Variants in PDE10A observed in about 807,000 individuals in gnomAD.
PDE10A encodes cAMP and cAMP-inhibited cGMP 3',5'-cyclic phosphodiesterase 10A.
PDE10A carries 39 observed loss-of-function variants against 97.7 expected under a neutral mutation model. That is an observed-to-expected ratio of 0.40 (90% CI 0.31 to 0.52). The LOEUF is 0.52. Ranked by LOEUF, PDE10A falls within the 20% of genes least tolerant of loss-of-function variation. The pLI is 0.56. For missense variants in PDE10A, 731 were observed against 1,047.8 expected (o/e 0.70, Z 4.17); for synonymous variants, 371 against 376.8 (o/e 0.98, Z 0.18).
intron 1 of PDE10A, among the ~76,000 whole-genome samples, chr6:165,902,864 C>T (rs562201752): frequency 6.6e-6 from 1 of 152,278 alleles, no homozygotes; most frequent in East Asian, 1.9e-4. Context: ...AAGAAAAGGT[C>T]CTGGGTACGT....
intron 2 of PDE10A, 119 bp from the exon 3 acceptor site, chr6:165,482,462 C>T (rs998425189): frequency 4.4e-5 from 32 of 731,230 alleles, no homozygotes; most frequent in Middle Eastern, 2.4e-4. Flanking sequence ...CTTCCTCTTA[C>T]GAAATCTATG....
intron 1 of PDE10A, among the ~76,000 whole-genome samples, chr6:165,673,067 T>C (rs1228933034): frequency 7.1e-6 from 1 of 140,070 alleles, no homozygotes; most frequent in East Asian, 2.4e-4. Context: ...TCAACCTAAC[T>C]AACCACTTAA....
chr6:165,568,290 CAT>C (rs1358030387), intron 1 of PDE10A, among the ~76,000 whole-genome samples: 4 of 152,126 alleles, frequency 2.6e-5, no homozygotes, highest in Non-Finnish European at 5.9e-5. Flanking sequence ...TGAGCCACCG[CAT>C]CCGGCCAGCA....
At chr6:165,571,403 C>A (rs1470839794) in intron 1 of PDE10A, among the ~76,000 whole-genome samples, 2 of 152,196 alleles carry the variant, frequency 1.3e-5, no homozygotes, top group Admixed American at 1.3e-4. Flanking sequence ...AAATTACACA[C>A]CACTTAGGCA....
chr6:165,905,923 T>C (rs1183392589), intron 1 of PDE10A, among the ~76,000 whole-genome samples: 3 of 151,816 alleles, frequency 2.0e-5, no homozygotes, highest in Non-Finnish European at 2.9e-5. Flanking sequence ...GAAAAATGTG[T>C]TATTTTATAA....
intron 1 of PDE10A, among the ~76,000 whole-genome samples, chr6:165,855,272 T>TTCGAG (rs2128475563): frequency 7.2e-6 from 1 of 139,804 alleles, no homozygotes; most frequent in East Asian, 2.4e-4. Context: ...GGCACCAGCC[T>TTCGAG]TCGAGGGGAC....
chr6:165,880,967 A>G (rs944770941), intron 1 of PDE10A, among the ~76,000 whole-genome samples: 1 of 152,192 alleles, frequency 6.6e-6, no homozygotes, highest in Admixed American at 6.5e-5. Flanking sequence ...TTGTCATTTC[A>G]TAAGAGTTTT....
intron 20 of PDE10A, among the ~76,000 whole-genome samples, chr6:165,338,143 G>A (rs929359943): frequency 1.3e-5 from 2 of 152,176 alleles, no homozygotes; most frequent in Non-Finnish European, 2.9e-5. Flanking sequence ...AGAGGGAAAA[G>A]TGACCATGCC....
At chr6:165,846,021 G>A (rs1780407554) in intron 1 of PDE10A, among the ~76,000 whole-genome samples, 1 of 152,194 alleles carries the variant, frequency 6.6e-6, no homozygotes, top group South Asian at 2.1e-4. Context: ...GAGTAGGCAT[G>A]GGGGCGGGTT....
intron 12 of PDE10A, among the ~76,000 whole-genome samples, 170 bp from the exon 13 acceptor site, chr6:165,413,857 A>G (rs937922261): frequency 4.5e-4 from 68 of 152,194 alleles, no homozygotes; most frequent in Non-Finnish European, 9.4e-4. Flanking sequence ...CATTCCACAG[A>G]GTTTTATTAA....
intron 1 of PDE10A, among the ~76,000 whole-genome samples, chr6:165,963,813 C>T (rs1784427641): frequency 6.6e-6 from 1 of 152,176 alleles, no homozygotes; most frequent in South Asian, 2.1e-4. Flanking sequence ...GTGCCTCCTC[C>T]TCTGAGCTGT....
intron 18 of PDE10A, among the ~76,000 whole-genome samples, chr6:165,348,365 G>A (rs941555117): frequency 2.0e-5 from 3 of 152,072 alleles, no homozygotes; most frequent in Admixed American, 6.6e-5. Flanking sequence ...ACGCACCATG[G>A]TCTTTTCTGA....
intron 1 of PDE10A, among the ~76,000 whole-genome samples, chr6:165,899,690 C>G (rs1170138639): frequency 6.6e-6 from 1 of 152,168 alleles, no homozygotes; most frequent in African/African-American, 2.4e-5. Context: ...GGGGCCTTGG[C>G]ACCCGTGACC....
chr6:165,780,904 T>G (rs902246696), intron 1 of PDE10A: 10 of 152,242 alleles, frequency 6.6e-5, no homozygotes, highest in Non-Finnish European at 1.3e-4. Flanking sequence ...TGCTATGGTG[T>G]GGGTATGGTT....
intron 1 of PDE10A, among the ~76,000 whole-genome samples, chr6:165,889,888 A>C (rs1016252703): frequency 0.037 from 939 of 25,368 alleles, 1 homozygote; most frequent in African/African-American, 0.066. Flanking sequence ...TCCCTCACTC[A>C]CTCCTCCCTC....
Position 165,752,893 on chromosome 6 carries a change from G to A in PDE10A, c.-614-209325C>T, listed in dbSNP as rs9348042. On this transcript the variant is annotated intron_variant, in intron 1 of 19. Transcript: ENST00000366882. ...CACCTGCTAACAGATGCTGCTCGAC[G>A]TATGAATTACATTTACCTGCAGAAA... 4.1e-4 allele frequency among the ~76,000 whole-genome samples: 62 copies of A among 152,290 alleles called. No homozygotes were observed. In the East Asian group the frequency reaches 0.01, roughly 26 times the overall value.
At position 165,416,288 on chromosome 6, in the gene PDE10A, A is replaced by G; in HGVS notation, c.1797-7T>C. 2 of 1,572,978 alleles carry G rather than the reference A, an allele frequency of 1.3e-6. No individual in the cohort carries two copies. Among genetic ancestry groups the G allele is most frequent in the Non-Finnish European group, 1.8e-6 (2 of 1,142,412 alleles). On this transcript the variant is annotated splice_region_variant and splice_polypyrimidine_tract_variant and intron_variant, in intron 11 of 21. Transcript: ENST00000539869. ...TCCTTTCTCAATTGAAAATCTGCAT[A>G]TGTAAAAGAGAAGGACATGCTAATT... is the stretch of plus-strand genomic sequence containing the variant.
At chr6:165,855,143 C>G (rs570887186) in intron 1 of PDE10A, among the ~76,000 whole-genome samples, 9 of 152,234 alleles carry the variant, frequency 5.9e-5, no homozygotes, top group African/African-American at 1.9e-4. Context: ...ACCGCAGACC[C>G]GCCCAGACCC....
intron 1 of PDE10A, among the ~76,000 whole-genome samples, chr6:165,932,438 C>T (rs186874799): frequency 6.4e-4 from 98 of 152,060 alleles, no homozygotes; most frequent in African/African-American, 1.8e-3. Context: ...TGAGTTCAAG[C>T]GATTCTCCTG....
Sources: gnomAD v4.1 joint callset for allele counts (sites outside exome capture counted in the v4.1 genomes callset) on GRCh38, gnomAD v4.1.1 for gene constraint, MANE v1.5 for transcripts, NCBI Gene and HGNC (gene_info 2026-07-23, HGNC 2026-07-21) for gene names.